Variants in MALRD1 observed in about 807,000 individuals in gnomAD.
The protein encoded by MALRD1 is MAM and LDL-receptor class A domain-containing protein 1.
A neutral mutation model predicts 242.1 loss-of-function variants in MALRD1; 247 were observed. The ratio of observed to expected loss-of-function variants is 1.02; its 90% CI spans 0.92 to 1.13. MALRD1 has a LOEUF of 1.13. Ranked by LOEUF, MALRD1 falls within the 50% of genes most tolerant of loss-of-function variation. MALRD1 has a pLI of 0.00. For synonymous variants in MALRD1, 995 were observed against 866.6 expected, an observed-to-expected ratio of 1.15 and a Z score of -2.60; for missense variants, 2,989 against 2,533.1, an observed-to-expected ratio of 1.18 and a Z score of -3.86.
At chr10:19,316,628 A>G (rs548705009) in intron 21 of MALRD1, among the ~76,000 whole-genome samples, 16 of 151,948 alleles carry the variant, frequency 1.1e-4, no homozygotes, top group South Asian at 8.3e-4. Flanking sequence ...GCAGTTCCGC[A>G]CAACGAGGAA....
intron 29 of MALRD1, among the ~76,000 whole-genome samples, chr10:19,479,126 G>C (rs374527478): frequency 6.6e-6 from 1 of 152,300 alleles, no homozygotes; most frequent in East Asian, 1.9e-4. Context: ...TCTAGGTTTT[G>C]TGCTAGTATT....
intron 10 of MALRD1, among the ~76,000 whole-genome samples, chr10:19,140,526 G>GGTGTGTGT (rs778477235): frequency 5.4e-5 from 6 of 111,504 alleles, no homozygotes; most frequent in Non-Finnish European, 1.2e-4. Flanking sequence ...AAACAAGTGG[G>GGTGTGTGT]GTGTGTGTGT....
intron 12 of MALRD1, among the ~76,000 whole-genome samples, chr10:19,155,791 C>A (rs1025806390): frequency 6.6e-6 from 1 of 151,942 alleles, no homozygotes; most frequent in South Asian, 2.1e-4. Context: ...GAAGCATACA[C>A]GATTATATGG....
intron 29 of MALRD1, among the ~76,000 whole-genome samples, chr10:19,486,984 T>C (rs1003205201): frequency 1.3e-5 from 2 of 152,178 alleles, no homozygotes; most frequent in Non-Finnish European, 2.9e-5. Flanking sequence ...CTGCATTATT[T>C]TCCACGGCCT....
intron 31 of MALRD1, 125 bp downstream of exon 31, chr10:19,498,771 G>T: frequency 4.4e-6 from 5 of 1,146,578 alleles, no homozygotes; most frequent in Middle Eastern, 4.9e-4. Context: ...TAGGTTTTAT[G>T]GAAAGAGGGC....
At chr10:19,344,486 T>C (rs578044947) in intron 24 of MALRD1, among the ~76,000 whole-genome samples, 1 of 152,118 alleles carries the variant, frequency 6.6e-6, no homozygotes, top group Admixed American at 6.6e-5. Context: ...TCTGGGTTCT[T>C]TTCTGTTCTA....
chr10:19,695,273 TA>T (rs1241603160), intron 38 of MALRD1, among the ~76,000 whole-genome samples: 1 of 151,940 alleles, frequency 6.6e-6, no homozygotes, highest in African/African-American at 2.4e-5. Flanking sequence ...ATCCACCGAC[TA>T]AAAAGAGATG....
At chr10:19,399,703 C>T (rs1159074313) in intron 28 of MALRD1, among the ~76,000 whole-genome samples, 1 of 152,016 alleles carries the variant, frequency 6.6e-6, no homozygotes, top group African/African-American at 2.4e-5. Flanking sequence ...AAAACAATAC[C>T]ATTTGTAATC....
chr10:19,150,975 G>A (rs1014976399), intron 11 of MALRD1, among the ~76,000 whole-genome samples: 11 of 152,048 alleles, frequency 7.2e-5, no homozygotes, highest in Non-Finnish European at 2.9e-5. Flanking sequence ...TATTTTTTAA[G>A]CAAGATATGT....
At chr10:19,366,110 T>A (rs1845097242) in intron 26 of MALRD1, among the ~76,000 whole-genome samples, 1 of 152,030 alleles carries the variant, frequency 6.6e-6, no homozygotes, top group South Asian at 2.1e-4. Context: ...ATATTACATT[T>A]ATTGTATACT....
At chr10:19,258,873 G>A (rs1030567924) in intron 19 of MALRD1, among the ~76,000 whole-genome samples, 4 of 152,086 alleles carry the variant, frequency 2.6e-5, no homozygotes, top group Non-Finnish European at 5.9e-5. Flanking sequence ...TGCCACTCCT[G>A]TATACCTCCC....
At chr10:19,641,797 A>T (rs1026353112) in intron 36 of MALRD1, among the ~76,000 whole-genome samples, 1 of 152,154 alleles carries the variant, frequency 6.6e-6, no homozygotes, top group African/African-American at 2.4e-5. Flanking sequence ...GTATTTTACA[A>T]AATATTTCCC....
At chr10:19,293,147 A>C (rs1224242493) in intron 21 of MALRD1, among the ~76,000 whole-genome samples, 1 of 152,218 alleles carries the variant, frequency 6.6e-6, no homozygotes, top group Admixed American at 6.5e-5. Flanking sequence ...ACATTCTCCC[A>C]GCATAATTTC....
chr10:19,358,120 C>A (rs1213606937), intron 26 of MALRD1, among the ~76,000 whole-genome samples: 1 of 151,746 alleles, frequency 6.6e-6, no homozygotes, highest in African/African-American at 2.4e-5. Flanking sequence ...TATGCAAATT[C>A]AATCACGGTC....
chr10:19,250,142 A>T (rs763330550), intron 18 of MALRD1, among the ~76,000 whole-genome samples: 1 of 152,050 alleles, frequency 6.6e-6, no homozygotes, highest in Non-Finnish European at 1.5e-5. Flanking sequence ...TTCCTAAATA[A>T]GAATTTAATT....
intron 36 of MALRD1, among the ~76,000 whole-genome samples, chr10:19,619,883 C>T (rs917979982): frequency 1.3e-5 from 2 of 151,914 alleles, no homozygotes; most frequent in Non-Finnish European, 2.9e-5. Flanking sequence ...CAGTGGCTCA[C>T]CCTCACCCTC....
At chr10:19,632,455 A>C (rs1839946329) in intron 36 of MALRD1, among the ~76,000 whole-genome samples, 1 of 152,176 alleles carries the variant, frequency 6.6e-6, no homozygotes. Flanking sequence ...CTGAGCCAGC[A>C]TAGTGATGCT....
intron 26 of MALRD1, among the ~76,000 whole-genome samples, chr10:19,362,067 C>T (rs923179910): frequency 2.6e-5 from 4 of 152,036 alleles, no homozygotes; most frequent in East Asian, 1.9e-4. Flanking sequence ...CCTGCGTCAG[C>T]TTTGTGCCTA....
rs142025703 is a variant in MALRD1 at position 19,463,553 on chromosome 10, A to AGTGTGT, written c.5029+13096_5029+13101dup. ...AATTCGTTCCCTTTCGTGGCTGAGT[A>AGTGTGT]GTGTGTGTGTGTGTGTGTGTGTGTG... On this transcript the variant is annotated intron_variant, in intron 29 of 39. Transcript: ENST00000454679. Among the ~76,000 whole-genome samples the AGTGTGT allele has an allele frequency of 5.2e-3, 774 of 150,128 alleles. 5 individuals carry two copies. The highest frequency in any genetic ancestry group is 0.017 in the African/African-American group (697 of 40,672).
Sources: allele counts gnomAD v4.1 joint callset (sites outside exome capture counted in the v4.1 genomes callset), GRCh38; gene constraint gnomAD v4.1.1; transcripts MANE v1.5; gene names NCBI Gene and HGNC (gene_info 2026-07-23, HGNC 2026-07-21).